RPS6KC1: variants seen among roughly 807,000 people sequenced by gnomAD.
RPS6KC1 encodes the protein inactive ribosomal protein S6 kinase delta-1.
Under a neutral mutation model 103.8 loss-of-function variants are expected in RPS6KC1, and 54 were observed. That is an observed-to-expected ratio of 0.52 (90% CI 0.42 to 0.65). The LOEUF (loss-of-function observed/expected upper bound fraction) is 0.65. RPS6KC1 is among the 30% of genes least tolerant of loss of function. The pLI is 0.00. For synonymous variants in RPS6KC1, 439 were observed against 438.7 expected, an observed-to-expected ratio of 1.00 and a Z score of -0.01; for missense variants, 1,151 against 1,253.8, an observed-to-expected ratio of 0.92 and a Z score of 1.24.
the RPS6KC1 span, among the ~76,000 whole-genome samples, chr1:213,697,362 A>G: frequency 2.0e-5 from 3 of 152,220 alleles, no homozygotes; most frequent in Non-Finnish European, 4.4e-5. Flanking sequence ...GTTGCTAATA[A>G]AGGTGCAGCT....
chr1:213,506,897 T>A, the RPS6KC1 span, among the ~76,000 whole-genome samples: 1 of 152,204 alleles, frequency 6.6e-6, no homozygotes, highest in African/African-American at 2.4e-5. Context: ...GTGCTATTAC[T>A]TTTAGGCAGC....
chr1:213,590,044 GA>G, the RPS6KC1 span, among the ~76,000 whole-genome samples: 1 of 151,540 alleles, frequency 6.6e-6, no homozygotes, highest in Non-Finnish European at 1.5e-5. Flanking sequence ...TGACGAATTA[GA>G]AAAACTTCTA....
At chr1:213,290,814 G>A in the RPS6KC1 span, among the ~76,000 whole-genome samples, 5 of 152,088 alleles carry the variant, frequency 3.3e-5, no homozygotes, top group African/African-American at 1.2e-4. Context: ...GGTAGGACAC[G>A]AAAACCCACT....
At chr1:213,640,358 A>C in the RPS6KC1 span, among the ~76,000 whole-genome samples, 1 of 149,894 alleles carries the variant, frequency 6.7e-6, no homozygotes, top group Non-Finnish European at 1.5e-5. Context: ...GTATGCTTTT[A>C]GTTTGATTGA....
the RPS6KC1 span, among the ~76,000 whole-genome samples, chr1:213,376,935 C>A: frequency 1.3e-5 from 2 of 152,052 alleles, no homozygotes; most frequent in Non-Finnish European, 2.9e-5. Context: ...GGCTTGTGGT[C>A]GGGGGGACCT....
At chr1:213,731,869 T>TAA in the RPS6KC1 span, among the ~76,000 whole-genome samples, 1 of 152,154 alleles carries the variant, frequency 6.6e-6, no homozygotes, top group Non-Finnish European at 1.5e-5. Flanking sequence ...GTAGAATATA[T>TAA]ATACTTATTT....
At chr1:213,589,357 G>C in the RPS6KC1 span, among the ~76,000 whole-genome samples, 1 of 152,134 alleles carries the variant, frequency 6.6e-6, no homozygotes, top group Non-Finnish European at 1.5e-5. Flanking sequence ...CTTAAGAATG[G>C]CTCTAGAGCT....
At chr1:213,312,328 G>A in the RPS6KC1 span, among the ~76,000 whole-genome samples, 1 of 152,170 alleles carries the variant, frequency 6.6e-6, no homozygotes, top group Non-Finnish European at 1.5e-5. Flanking sequence ...AGCAGAAAAT[G>A]ACTTGAGGTG....
At chr1:213,304,009 T>C in the RPS6KC1 span, among the ~76,000 whole-genome samples, 1 of 150,770 alleles carries the variant, frequency 6.6e-6, no homozygotes, top group Non-Finnish European at 1.5e-5. Flanking sequence ...ATCGAGACCA[T>C]CCCGGCTAAA....
chr1:213,597,340 C>T, the RPS6KC1 span, among the ~76,000 whole-genome samples: 2 of 152,218 alleles, frequency 1.3e-5, no homozygotes, highest in Non-Finnish European at 2.9e-5. Context: ...AGGGGCGAGG[C>T]GAGCGCAGGG....
chr1:213,399,336 G>C, the RPS6KC1 span, among the ~76,000 whole-genome samples: 1 of 152,306 alleles, frequency 6.6e-6, no homozygotes, highest in Admixed American at 6.5e-5. Flanking sequence ...GACTGGAGCA[G>C]CTTTCTGGAG....
At chr1:213,196,210 A>G (rs981763617) in intron 8 of RPS6KC1, among the ~76,000 whole-genome samples, 1 of 151,594 alleles carries the variant, frequency 6.6e-6, no homozygotes, top group Non-Finnish European at 1.5e-5. Context: ...TGTGGTTTTC[A>G]TTTGCATTTC....
At chr1:213,825,310 G>A in the RPS6KC1 span, among the ~76,000 whole-genome samples, 9 of 152,206 alleles carry the variant, frequency 5.9e-5, no homozygotes, top group Non-Finnish European at 1.3e-4. Context: ...AACTTTATGT[G>A]CAAAAGCTGC....
the RPS6KC1 span, among the ~76,000 whole-genome samples, chr1:213,393,250 G>C: frequency 6.6e-6 from 1 of 152,060 alleles, no homozygotes; most frequent in Admixed American, 6.6e-5. Flanking sequence ...CACAAGAGAG[G>C]GCTGACATTG....
chr1:213,128,476 A>G (rs970556161), intron 5 of RPS6KC1, among the ~76,000 whole-genome samples: 2 of 152,220 alleles, frequency 1.3e-5, no homozygotes, highest in African/African-American at 4.8e-5. Flanking sequence ...TTTGAAGAAT[A>G]TAAAAGGCTG....
At chr1:213,379,636 C>A in the RPS6KC1 span, among the ~76,000 whole-genome samples, 1 of 152,178 alleles carries the variant, frequency 6.6e-6, no homozygotes. Context: ...CTAGCAAACG[C>A]ATACACCATT....
chr1:213,402,340 C>T, the RPS6KC1 span, among the ~76,000 whole-genome samples: 1 of 152,180 alleles, frequency 6.6e-6, no homozygotes. Context: ...TGCCTTTGGC[C>T]ACTTAGTGGC....
At chr1:213,454,298 C>A in the RPS6KC1 span, among the ~76,000 whole-genome samples, 1 of 152,122 alleles carries the variant, frequency 6.6e-6, no homozygotes, top group South Asian at 2.1e-4. Context: ...CAATCTGACA[C>A]CCCTTCAAGG....
chr1:213,332,067 T>C, the RPS6KC1 span, among the ~76,000 whole-genome samples: 1 of 151,846 alleles, frequency 6.6e-6, no homozygotes, highest in African/African-American at 2.4e-5. Flanking sequence ...AAATCCTATA[T>C]TGGAAAAAAA....
Sources: gnomAD v4.1 joint callset for allele counts (sites outside exome capture counted in the v4.1 genomes callset) on GRCh38, gnomAD v4.1.1 for gene constraint, MANE v1.5 for transcripts, NCBI Gene and HGNC (gene_info 2026-07-23, HGNC 2026-07-21) for gene names.